PLXDC2: variants seen among roughly 807,000 people sequenced by gnomAD.
The protein encoded by PLXDC2 is plexin domain-containing protein 2.
In PLXDC2, 40 loss-of-function variants were observed where a neutral mutation model predicts 68.9. The ratio of observed to expected loss-of-function variants is 0.58; its 90% confidence interval spans 0.45 to 0.76. The LOEUF (loss-of-function observed/expected upper bound fraction) is 0.76, where lower values mean the gene tolerates loss of function less well. Ranked by LOEUF, PLXDC2 falls within the 30% of genes least tolerant of loss-of-function variation. The pLI is 0.00. For synonymous variants in PLXDC2, 243 were observed against 234.2 expected (o/e 1.04, Z -0.34); for missense variants, 644 against 661.9 (o/e 0.97, Z 0.30).
intron 13 of PLXDC2, among the ~76,000 whole-genome samples, chr10:20,258,843 C>CA (rs1342285556): frequency 6.6e-6 from 1 of 151,526 alleles, no homozygotes; most frequent in African/African-American, 2.4e-5. Context: ...CCGTCTCTAC[C>CA]AAAAAATAGA....
intron 1 of PLXDC2, among the ~76,000 whole-genome samples, chr10:19,827,912 A>G (rs901919763): frequency 6.6e-6 from 1 of 152,198 alleles, no homozygotes; most frequent in African/African-American, 2.4e-5. Flanking sequence ...TTTAGTTGAA[A>G]TGAAATTTCC....
chr10:20,162,066 G>A (rs1416155368), intron 6 of PLXDC2, among the ~76,000 whole-genome samples: 1 of 57,258 alleles, frequency 1.7e-5, no homozygotes, highest in South Asian at 5.9e-4. Context: ...GAGAGAGAGA[G>A]AGAGAGAAGG....
chr10:20,067,081 A>G (rs1260202378), intron 3 of PLXDC2, among the ~76,000 whole-genome samples: 1 of 152,164 alleles, frequency 6.6e-6, no homozygotes, highest in African/African-American at 2.4e-5. Context: ...ACTTAATATC[A>G]TTTCAAACAT....
chr10:20,077,630 T>C (rs111270123), intron 4 of PLXDC2, among the ~76,000 whole-genome samples: 230 of 152,324 alleles, frequency 1.5e-3, no homozygotes, highest in Non-Finnish European at 2.9e-3. Context: ...TGTCTTTTAA[T>C]TGGCTTATTG....
chr10:20,021,670 T>TTTA (rs145070434), intron 2 of PLXDC2, among the ~76,000 whole-genome samples: 34,014 of 146,002 alleles, frequency 0.23, 4,762 homozygotes, highest in Non-Finnish European at 0.33. Flanking sequence ...CCAGTCACAT[T>TTTA]TTTTTTTATT....
intron 4 of PLXDC2, among the ~76,000 whole-genome samples, chr10:20,103,785 G>C (rs1013656909): frequency 2.0e-5 from 3 of 152,082 alleles, no homozygotes; most frequent in African/African-American, 7.2e-5. Context: ...TGGGTTTACA[G>C]GCATGCGCCA....
intron 1 of PLXDC2, among the ~76,000 whole-genome samples, chr10:19,893,163 T>G (rs1364598854): frequency 6.6e-6 from 1 of 152,170 alleles, no homozygotes. Flanking sequence ...GGGATTGCTT[T>G]CATTCAGATG....
chr10:19,911,298 A>G (rs74573333), intron 1 of PLXDC2, among the ~76,000 whole-genome samples: 3,421 of 152,182 alleles, frequency 0.022, 55 homozygotes, highest in African/African-American at 0.034. Context: ...GTGGAAGGGG[A>G]TAAAAATCTA....
chr10:19,819,159 G>T (rs117494495), intron 1 of PLXDC2, among the ~76,000 whole-genome samples: 5,629 of 152,132 alleles, frequency 0.037, 144 homozygotes, highest in Non-Finnish European at 0.06. Context: ...CCCTTGCTGT[G>T]GGAAATATAA....
chr10:20,244,903 T>C (rs1835568628), intron 12 of PLXDC2, among the ~76,000 whole-genome samples: 1 of 152,036 alleles, frequency 6.6e-6, no homozygotes, highest in Non-Finnish European at 1.5e-5. Context: ...ATCACCTGAA[T>C]CAGGATTTCG....
In PLXDC2 at chr10:20,235,092, C is replaced by T. The variant is rs1261680487; in HGVS notation, c.1313-10253C>T. Among the ~76,000 whole-genome samples the T allele has an allele frequency of 3.9e-5, 6 of 152,182 alleles. No homozygotes were observed. The East Asian group carries it at 1.2e-3, about 29-fold the overall frequency. On this transcript the variant is annotated intron_variant, in intron 12 of 13. Transcript: ENST00000377252. Reference sequence around the variant, plus strand: ...GTTTTTCAAATAGTGGCTGTGGATTCTATATCCTATGTCCAAGCTACCGTT... The same window carrying T: ...GTTTTTCAAATAGTGGCTGTGGATTTTATATCCTATGTCCAAGCTACCGTT...
intron 13 of PLXDC2, among the ~76,000 whole-genome samples, chr10:20,277,578 G>A (rs973126145): frequency 3.3e-5 from 5 of 152,180 alleles, no homozygotes; most frequent in African/African-American, 1.2e-4. Context: ...GCTTTGCAAT[G>A]TGAGATAACA....
At chr10:20,218,763 T>C (rs1835173087) in intron 11 of PLXDC2, among the ~76,000 whole-genome samples, 1 of 152,156 alleles carries the variant, frequency 6.6e-6, no homozygotes, top group Non-Finnish European at 1.5e-5. Context: ...TAAGTGATTT[T>C]AGAGAATTAA....
At chr10:20,068,625 T>A (rs1432237889) in intron 4 of PLXDC2, among the ~76,000 whole-genome samples, 2 of 147,870 alleles carry the variant, frequency 1.4e-5, no homozygotes, top group East Asian at 2.0e-4. Flanking sequence ...TATATATATA[T>A]AATATATATT....
chr10:20,154,563 C>A (rs79581863), intron 6 of PLXDC2, among the ~76,000 whole-genome samples: 292 of 136,102 alleles, frequency 2.1e-3, no homozygotes, highest in African/African-American at 2.3e-3. Context: ...GACTCTGTCT[C>A]AAAAAAAAAA....
chr10:19,870,109 T>C (rs928412424), intron 1 of PLXDC2, among the ~76,000 whole-genome samples: 1 of 152,140 alleles, frequency 6.6e-6, no homozygotes, highest in African/African-American at 2.4e-5. Flanking sequence ...TTTGCACAAA[T>C]GCGACAAAGG....
intron 2 of PLXDC2, among the ~76,000 whole-genome samples, chr10:20,034,471 A>G (rs1305855858): frequency 6.6e-6 from 1 of 152,192 alleles, no homozygotes; most frequent in African/African-American, 2.4e-5. Context: ...TCGTAATTAA[A>G]GTGATATGCT....
At chr10:19,922,898 TAACTG>T (rs1216149344) in intron 1 of PLXDC2, among the ~76,000 whole-genome samples, 2 of 152,140 alleles carry the variant, frequency 1.3e-5, no homozygotes, top group Non-Finnish European at 2.9e-5. Context: ...GTTGAAAAAA[TAACTG>T]AACTGTTGTC....
At chr10:20,196,063 C>T (rs560123377) in intron 9 of PLXDC2, among the ~76,000 whole-genome samples, 14 of 152,248 alleles carry the variant, frequency 9.2e-5, no homozygotes, top group Non-Finnish European at 8.8e-5. Context: ...GTGTCCAAAA[C>T]GGATTCCTGA....
Sources: allele counts gnomAD v4.1 joint callset (sites outside exome capture counted in the v4.1 genomes callset), GRCh38; gene constraint gnomAD v4.1.1; transcripts MANE v1.5; gene names NCBI Gene and HGNC (gene_info 2026-07-23, HGNC 2026-07-21).